The following H6PD variants were observed in gnomAD, a reference collection of about 807,000 sequenced individuals.
H6PD encodes hexose-6-phosphate dehydrogenase/glucose 1-dehydrogenase.
Under a neutral mutation model 61.2 loss-of-function variants are expected in H6PD, and 48 were observed. The ratio of observed to expected loss-of-function variants is 0.78; its 90% CI spans 0.62 to 1.00. The LOEUF (loss-of-function observed/expected upper bound fraction) is 1.00, where lower values mean the gene tolerates loss of function less well. H6PD is among the 50% of genes least tolerant of loss of function. The pLI is 0.00. For missense variants in H6PD, 1,093 were observed against 1,065.0 expected (o/e 1.03, Z -0.37); for synonymous variants, 480 against 457.9 (o/e 1.05, Z -0.62).
Position 9,267,056 on chromosome 1 carries a change from G to C in H6PD, c.*2187G>C, listed in dbSNP as rs1421045646. On this transcript the variant is annotated 3_prime_UTR_variant, in exon 5 of 5. Transcript: ENST00000377403. ...GCTGGTCTCGAACTCCTGAGCTCAG[G>C]CAGTCTACCCACCTCAGCCTCCCAA... is the stretch of plus-strand genomic sequence containing the variant. 1 of 152,484 alleles carries C rather than the reference G, an allele frequency of 6.6e-6. No individual in the cohort carries two copies. The highest frequency in any genetic ancestry group is 1.5e-5 in the Non-Finnish European group (1 of 68,256). The allele number at this position is 152,484 out of a possible 1,614,324, so 9.4% of individuals were successfully genotyped here.
chr1:9,248,589 T>C (rs1641259199), intron 3 of H6PD, among the ~76,000 whole-genome samples: 1 of 150,386 alleles, frequency 6.6e-6, no homozygotes, highest in Non-Finnish European at 1.5e-5. Flanking sequence ...TTGAGCTCAG[T>C]AGTTGGACAC....
intron 1 of H6PD, among the ~76,000 whole-genome samples, chr1:9,238,132 A>C (rs1240956861): frequency 6.6e-6 from 1 of 152,140 alleles, no homozygotes; most frequent in African/African-American, 2.4e-5. Flanking sequence ...ACATTTTAGC[A>C]AAGAAAAATT....
Position 9,247,816 on chromosome 1 carries a change from G to A in H6PD, c.745+733G>A, listed in dbSNP as rs138666036. Among the ~76,000 whole-genome samples, 1,134 of 143,120 alleles carry A rather than the reference G, an allele frequency of 7.9e-3. 11 individuals carry two copies. The highest frequency in any genetic ancestry group is 0.03 in the African/African-American group (1,073 of 36,166). 93.9% of individuals were successfully genotyped at this position (143,120 alleles called of 152,430 possible). On this transcript the variant is annotated intron_variant, in intron 3 of 4. Transcript: ENST00000377403. ...GCTGTGAGATGAGCATGTCCTGTCGGTGAGGACAGCTAAGGTCCCTTAGCT... is the reference window on the plus strand; with the variant it reads ...GCTGTGAGATGAGCATGTCCTGTCGATGAGGACAGCTAAGGTCCCTTAGCT...
intron 1 of H6PD, chr1:9,239,721 G>A (rs1640943235): frequency 5.6e-6 from 2 of 357,326 alleles, no homozygotes; most frequent in Non-Finnish European, 1.0e-5. Flanking sequence ...CGCACAGAAG[G>A]TAACGTCAAA....
At position 9,270,750 on chromosome 1, in the gene H6PD, G is replaced by A. The variant is rs1235448725; in HGVS notation, c.*5881G>A. On this transcript the variant is annotated 3_prime_UTR_variant, in exon 5 of 5. Transcript: ENST00000377403. ...GCTCTGCCCCGCGCTAGGGACTCAGGGTCTGGGCTTCTGCCAGGTGAGGAG... is the reference window on the plus strand; with the variant it reads ...GCTCTGCCCCGCGCTAGGGACTCAGAGTCTGGGCTTCTGCCAGGTGAGGAG... 2 of 152,326 alleles carry A rather than the reference G, an allele frequency of 1.3e-5. No individual in the cohort carries two copies. The highest frequency in any genetic ancestry group is 4.8e-5 in the African/African-American group (2 of 41,454). 9.4% of individuals were successfully genotyped at this position (152,326 alleles called of 1,614,324 possible).
Position 9,264,439 on chromosome 1 carries a change from A to G in H6PD, c.1946A>G (p.Tyr649Cys), listed in dbSNP as rs1638479344. The G allele has an allele frequency of 5.0e-6, 8 of 1,613,084 alleles. No individual in the cohort carries two copies. The highest frequency in any genetic ancestry group is 6.8e-6 in the Non-Finnish European group (8 of 1,179,892). The change falls in exon 5 of 5, where the codon TAC (tyrosine) becomes TGC (cysteine). Residue 649 changes from tyrosine to cysteine, a missense_variant. Transcript: ENST00000377403. Reference protein sequence around the residue: ...HLLQHVRIPYYNIHPMPVHLQ... With the variant: ...HLLQHVRIPYCNIHPMPVHLQ... ...CTGCAGCACGTCCGGATCCCCTACTACAACATCCACCCCATGCCTGTGCAC... is the reference window on the plus strand; with the variant it reads ...CTGCAGCACGTCCGGATCCCCTACTGCAACATCCACCCCATGCCTGTGCAC...
chr1:9,261,120 C>T (rs1043323657), intron 3 of H6PD, among the ~76,000 whole-genome samples: 1 of 152,152 alleles, frequency 6.6e-6, no homozygotes, highest in Non-Finnish European at 1.5e-5. Context: ...CTTGCCTTCC[C>T]TGCATCTGCA....
intron 1 of H6PD, among the ~76,000 whole-genome samples, chr1:9,240,376 G>A (rs1640961688): frequency 6.6e-6 from 1 of 152,184 alleles, no homozygotes; most frequent in Non-Finnish European, 1.5e-5. Flanking sequence ...AAGGCTCGAA[G>A]CACTCATTTG....
rs1356824162 is a variant in H6PD, at chr1:9,267,207, A to G, written c.*2338A>G. ...CCAGGAAGCCGCCCTCCTGGCGCCC[A>G]GCATCTGAGCTTCTACACGTGATGG... On this transcript the variant is annotated 3_prime_UTR_variant, in exon 5 of 5. Coordinates refer to ENST00000377403, the MANE Select transcript of H6PD (RefSeq NM_004285.4). The G allele has an allele frequency of 2.6e-5, 4 of 152,180 alleles. No homozygotes were observed. The highest frequency in any genetic ancestry group is 9.7e-5 in the African/African-American group (4 of 41,416). 9.4% of individuals were successfully genotyped at this position (152,180 alleles called of 1,614,324 possible).
At chr1:9,237,425 G>A (rs1355671739) in intron 1 of H6PD, among the ~76,000 whole-genome samples, 7 of 151,786 alleles carry the variant, frequency 4.6e-5, no homozygotes, top group African/African-American at 1.7e-4. Flanking sequence ...TAGAGACGGG[G>A]TTTCACCGTG....
chr1:9,256,554 C>T (rs549132840), intron 3 of H6PD, among the ~76,000 whole-genome samples: 1 of 152,330 alleles, frequency 6.6e-6, no homozygotes, highest in East Asian at 1.9e-4. Context: ...ACACCACCAA[C>T]CTGGTCAGGG....
chr1:9,250,692 G>A (rs1447914667), intron 3 of H6PD, among the ~76,000 whole-genome samples: 1 of 152,204 alleles, frequency 6.6e-6, no homozygotes, highest in African/African-American at 2.4e-5. Context: ...AGCACCCTGA[G>A]TGCTGGGAAG....
chr1:9,244,792 TG>T, intron 1 of H6PD, 132 bp from the exon 2 acceptor site: 3 of 845,504 alleles, frequency 3.5e-6, no homozygotes, highest in South Asian at 2.8e-5. Context: ...GGACAAGCTG[TG>T]GGCTTATAAC....
Position 9,270,202 on chromosome 1 carries a change from C to T in H6PD, c.*5333C>T, listed in dbSNP as rs1638703495. 2 of 152,654 alleles carry T rather than the reference C, an allele frequency of 1.3e-5. No homozygotes were observed. The allele number at this position is 152,654 out of a possible 1,614,324, so 9.5% of individuals were successfully genotyped here. On this transcript the variant is annotated 3_prime_UTR_variant, in exon 5 of 5. Coordinates refer to ENST00000377403, the MANE Select transcript of H6PD (RefSeq NM_004285.4). ...ATTCTCAAGGCTGATCTTTAAAACC[C>T]TCGCCTTGCTGACAGGTGCTTTAAA...
chr1:9,245,425 CG>C lies in H6PD; in HGVS notation c.494del (p.Gly165AlafsTer42). 3 of 1,614,120 alleles carry C rather than the reference CG, an allele frequency of 1.9e-6. No individual in the cohort carries two copies. The highest frequency in any genetic ancestry group is 2.5e-6 in the Non-Finnish European group (3 of 1,180,030). On this transcript the variant is annotated frameshift_variant, in exon 2 of 5. Coordinates refer to ENST00000377403, the MANE Select transcript of H6PD (RefSeq NM_004285.4). LOFTEE classifies it high-confidence loss of function. The surrounding 1 kb of genome is among the most constrained non-coding windows in gnomAD (Gnocchi z 4.8). ...ATCAACAGTAGCTGCCGGCCAGGCC[CG>C]GGCGCCTGGCTGCGGGTTGTCCTTG... is the stretch of plus-strand genomic sequence containing the variant. ...RNINSSCRPG[P>X]GAWLRVVLEK...
chr1:9,235,664 A>G (rs1166162353), intron 1 of H6PD, among the ~76,000 whole-genome samples: 1 of 152,190 alleles, frequency 6.6e-6, no homozygotes, highest in Admixed American at 6.5e-5. Flanking sequence ...AGGCTGGAGT[A>G]CAGTGGCACA....
chr1:9,253,221 C>T (rs1028071810), intron 3 of H6PD, among the ~76,000 whole-genome samples: 2 of 152,148 alleles, frequency 1.3e-5, no homozygotes, highest in Non-Finnish European at 2.9e-5. Context: ...TAAACACAGG[C>T]GCACCCCCTG....
chr1:9,264,876 C>G lies in H6PD; in HGVS notation c.*7C>G. The G allele has an allele frequency of 6.2e-7, 1 of 1,610,918 alleles. No homozygotes were observed. The highest frequency in any genetic ancestry group is 8.5e-7 in the Non-Finnish European group (1 of 1,179,974). On this transcript the variant is annotated 3_prime_UTR_variant, in exon 5 of 5. Transcript: ENST00000377403. ...CGACGCCTTCCTGGGATGAGGGCGC[C>G]TGTGCCCCTTGCCCGCTTCGCTCCT...
At chr1:9,243,036 C>G in intron 1 of H6PD, 1 of 878,534 alleles carries the variant, frequency 1.1e-6, no homozygotes, top group Non-Finnish European at 1.4e-6. Context: ...GGGAGCCACC[C>G]GTGTGGCCCT....
Sources: gnomAD v4.1 joint callset for allele counts (sites outside exome capture counted in the v4.1 genomes callset) on GRCh38, gnomAD v4.1.1 for gene constraint, Gnocchi (gnomAD v3.1) non-coding constraint, MANE v1.5 for transcripts, NCBI Gene and HGNC (gene_info 2026-07-23, HGNC 2026-07-21) for gene names.